The following PACRG variants were observed in gnomAD, a reference collection of about 807,000 sequenced individuals.
The protein encoded by PACRG is parkin coregulated gene protein.
In PACRG, 29 loss-of-function variants were observed where a neutral mutation model predicts 29.7. The ratio of observed to expected loss-of-function variants is 0.98; its 90% confidence interval spans 0.73 to 1.33. The LOEUF (loss-of-function observed/expected upper bound fraction) is 1.33, where lower values mean the gene tolerates loss of function less well. PACRG is among the 40% of genes most tolerant of loss of function. The probability of loss-of-function intolerance (pLI) is 0.00; values close to 1 mark genes in which losing one functional copy is unlikely to be tolerated. For synonymous variants in PACRG, 116 were observed against 118.7 expected (o/e 0.98, Z 0.15); for missense variants, 279 against 316.2 (o/e 0.88, Z 0.89).
chr6:162,918,940 G>A (rs1348393007), intron 2 of PACRG, among the ~76,000 whole-genome samples: 3 of 152,008 alleles, frequency 2.0e-5, no homozygotes, highest in Admixed American at 6.6e-5. Context: ...TAAAAATATT[G>A]TAGTGATTGG....
intron 2 of PACRG, among the ~76,000 whole-genome samples, chr6:162,975,301 T>G (rs1052537576): frequency 6.6e-6 from 1 of 152,204 alleles, no homozygotes; most frequent in African/African-American, 2.4e-5. Flanking sequence ...GACAATATTG[T>G]AAATATAAAC....
chr6:162,799,269 T>C (rs751104465), intron 1 of PACRG, among the ~76,000 whole-genome samples: 2 of 152,212 alleles, frequency 1.3e-5, no homozygotes, highest in African/African-American at 2.4e-5. Context: ...ATCTGAATAG[T>C]GAAAGATGCA....
At chr6:162,735,295 G>T (rs1194192010) in intron 1 of PACRG, among the ~76,000 whole-genome samples, 2 of 152,000 alleles carry the variant, frequency 1.3e-5, no homozygotes, top group Non-Finnish European at 2.9e-5. Flanking sequence ...ATGCTTGTTT[G>T]GCTTTAGTAA....
chr6:163,060,389 A>T (rs1349618694), intron 2 of PACRG, among the ~76,000 whole-genome samples: 1 of 152,214 alleles, frequency 6.6e-6, no homozygotes, highest in Non-Finnish European at 1.5e-5. Context: ...CTAAGAAAAA[A>T]TAATTATTTC....
chr6:163,053,134 G>T (rs561612094), intron 2 of PACRG, among the ~76,000 whole-genome samples: 1 of 152,078 alleles, frequency 6.6e-6, no homozygotes, highest in African/African-American at 2.4e-5. Context: ...AAATAAACTA[G>T]TTATCCTAAG....
At chr6:162,913,650 C>G (rs535472831) in intron 2 of PACRG, among the ~76,000 whole-genome samples, 3 of 152,110 alleles carry the variant, frequency 2.0e-5, no homozygotes, top group Non-Finnish European at 4.4e-5. Flanking sequence ...AATTTCCAAG[C>G]CTGTTATATC....
intron 4 of PACRG, among the ~76,000 whole-genome samples, chr6:163,172,475 T>G (rs772736554): frequency 2.6e-5 from 4 of 152,360 alleles, no homozygotes; most frequent in Non-Finnish European, 5.9e-5. Flanking sequence ...TTTGTTTTAG[T>G]GTACACATGC....
chr6:163,235,200 C>T (rs937608640), intron 4 of PACRG, among the ~76,000 whole-genome samples: 1 of 152,120 alleles, frequency 6.6e-6, no homozygotes, highest in African/African-American at 2.4e-5. Flanking sequence ...AGTTCAGACG[C>T]ACCACATTTC....
At position 162,731,712 on chromosome 6, in the gene PACRG, A is replaced by G. The variant is rs944736562; in HGVS notation, c.156+3321A>G. On this transcript the variant is annotated intron_variant, in intron 1 of 4. Coordinates refer to ENST00000366888, the MANE Select transcript of PACRG (RefSeq NM_001080379.2). ...TTTCAGATAAGGGATAGTTCAACCTATACTTTACATGTATAGTGTGTTTTA... is the reference window on the plus strand; with the variant it reads ...TTTCAGATAAGGGATAGTTCAACCTGTACTTTACATGTATAGTGTGTTTTA... Among the ~76,000 whole-genome samples the G allele has an allele frequency of 4.6e-5, 7 of 152,296 alleles. No homozygotes were observed. In the South Asian group the frequency reaches 1.2e-3, roughly 27 times the overall value.
At chr6:162,961,180 G>A (rs2128144151) in intron 2 of PACRG, among the ~76,000 whole-genome samples, 1 of 152,334 alleles carries the variant, frequency 6.6e-6, no homozygotes, top group South Asian at 2.1e-4. Context: ...CCATGTGAAA[G>A]CTGCTCATAA....
chr6:163,081,437 C>T (rs1447828778), intron 3 of PACRG, among the ~76,000 whole-genome samples: 3 of 152,098 alleles, frequency 2.0e-5, no homozygotes, highest in African/African-American at 4.8e-5. Flanking sequence ...CATTGTAAAT[C>T]TAATTAATGC....
chr6:163,156,292 A>G (rs530075437), intron 4 of PACRG, among the ~76,000 whole-genome samples: 1 of 151,968 alleles, frequency 6.6e-6, no homozygotes, highest in Non-Finnish European at 1.5e-5. Flanking sequence ...ATCACTCCCA[A>G]CTCAACATGT....
chr6:162,990,710 T>C (rs1803378129), intron 2 of PACRG, among the ~76,000 whole-genome samples: 1 of 132,128 alleles, frequency 7.6e-6, no homozygotes, highest in Non-Finnish European at 1.5e-5. Flanking sequence ...CTGATGGTAG[T>C]TTCTTTTGCT....
intron 1 of PACRG, among the ~76,000 whole-genome samples, chr6:162,755,119 T>G (rs7744306): frequency 2.0e-5 from 3 of 152,040 alleles, no homozygotes; most frequent in African/African-American, 7.2e-5. Context: ...TTTGTATTTT[T>G]GTAGTATCAT....
chr6:162,888,590 C>T (rs1794533673), intron 2 of PACRG, among the ~76,000 whole-genome samples: 2 of 152,140 alleles, frequency 1.3e-5, no homozygotes, highest in Admixed American at 1.3e-4. Context: ...AGCTCTTAGG[C>T]TGATGTCACT....
At chr6:163,063,506 A>G (rs1218774206) in intron 3 of PACRG, among the ~76,000 whole-genome samples, 1 of 152,220 alleles carries the variant, frequency 6.6e-6, no homozygotes, top group Non-Finnish European at 1.5e-5. Flanking sequence ...GTCATCTCCC[A>G]GAGTCTGGAT....
intron 2 of PACRG, among the ~76,000 whole-genome samples, chr6:163,024,414 C>A (rs1182142491): frequency 2.6e-5 from 4 of 152,058 alleles, no homozygotes; most frequent in African/African-American, 9.7e-5. Context: ...TGAGTTCTCT[C>A]TTCTGTTCCA....
chr6:162,872,636 C>T (rs888897054), intron 2 of PACRG, among the ~76,000 whole-genome samples: 8 of 152,004 alleles, frequency 5.3e-5, no homozygotes, highest in Non-Finnish European at 1.0e-4. Flanking sequence ...TTATAGAAAA[C>T]GTTCACAGGA....
At chr6:162,905,907 C>T (rs915300782) in intron 2 of PACRG, among the ~76,000 whole-genome samples, 5 of 152,150 alleles carry the variant, frequency 3.3e-5, no homozygotes, top group Admixed American at 2.6e-4. Context: ...CTGTCCCCAG[C>T]AAACTAGAAC....
Sources: gnomAD v4.1 joint callset for allele counts (sites outside exome capture counted in the v4.1 genomes callset) on GRCh38, gnomAD v4.1.1 for gene constraint, MANE v1.5 for transcripts, NCBI Gene and HGNC (gene_info 2026-07-23, HGNC 2026-07-21) for gene names.